Variants in DENND1A observed in about 807,000 individuals in gnomAD.
DENND1A encodes DENN domain containing 1A.
In DENND1A, 51 loss-of-function variants were observed where a neutral mutation model predicts 113.7. That is an observed-to-expected ratio of 0.45 (90% CI 0.36 to 0.57). The LOEUF (loss-of-function observed/expected upper bound fraction) is 0.57. Ranked by LOEUF, DENND1A falls within the 20% of genes least tolerant of loss-of-function variation. The pLI is 0.00. For synonymous variants in DENND1A, 565 were observed against 570.8 expected (o/e 0.99, Z 0.14); for missense variants, 1,258 against 1,395.9 (o/e 0.90, Z 1.57).
intron 13 of DENND1A, among the ~76,000 whole-genome samples, chr9:123,495,507 G>A (rs1035687400): frequency 4.6e-5 from 7 of 152,198 alleles, no homozygotes; most frequent in African/African-American, 1.7e-4. Flanking sequence ...TCTCCAGGAT[G>A]AAAGACATCT....
intron 2 of DENND1A, among the ~76,000 whole-genome samples, chr9:123,858,853 A>AAT (rs1448523608): frequency 6.6e-6 from 1 of 152,242 alleles, no homozygotes; most frequent in African/African-American, 2.4e-5. Flanking sequence ...AAAGATTAAA[A>AAT]ATACACATGT....
chr9:123,398,624 G>A (rs899549853), intron 21 of DENND1A, among the ~76,000 whole-genome samples: 1 of 151,666 alleles, frequency 6.6e-6, no homozygotes, highest in African/African-American at 2.4e-5. Flanking sequence ...TGATCCGCCC[G>A]CCTCGGCCTC....
intron 13 of DENND1A, among the ~76,000 whole-genome samples, chr9:123,525,180 T>C (rs1309856274): frequency 6.6e-6 from 1 of 152,210 alleles, no homozygotes; most frequent in Non-Finnish European, 1.5e-5. Context: ...CCAGGCAAGC[T>C]GTCCTTCTAA....
intron 19 of DENND1A, among the ~76,000 whole-genome samples, chr9:123,423,503 T>TTGCCTCAA (rs959962398): frequency 2.6e-5 from 4 of 152,036 alleles, no homozygotes; most frequent in African/African-American, 4.8e-5. Context: ...ATCTCACCAC[T>TTGCCTCAA]TGCCTCAATG....
chr9:123,669,759 C>G (rs759119668), intron 7 of DENND1A, among the ~76,000 whole-genome samples: 2 of 152,214 alleles, frequency 1.3e-5, no homozygotes, highest in African/African-American at 4.8e-5. Flanking sequence ...ATTTTTTCAT[C>G]TTTTCCAGAT....
At chr9:123,732,105 TACA>T (rs2068219356) in intron 5 of DENND1A, among the ~76,000 whole-genome samples, 1 of 152,202 alleles carries the variant, frequency 6.6e-6, no homozygotes, top group African/African-American at 2.4e-5. Flanking sequence ...TGCAAAATGA[TACA>T]ACAACCACTT....
chr9:123,679,880 G>A (rs576235886), intron 5 of DENND1A, among the ~76,000 whole-genome samples: 3 of 152,208 alleles, frequency 2.0e-5, no homozygotes, highest in Non-Finnish European at 4.4e-5. Context: ...AACGGGGTGC[G>A]ACCATCCGTG....
At chr9:123,566,635 T>C (rs935470726) in intron 12 of DENND1A, among the ~76,000 whole-genome samples, 2 of 152,112 alleles carry the variant, frequency 1.3e-5, no homozygotes, top group Middle Eastern at 3.4e-3. Context: ...ATCCTTGGAG[T>C]AAAAAAGTGC....
intron 4 of DENND1A, chr9:123,759,436 T>C (rs1255778490): frequency 6.6e-6 from 1 of 152,218 alleles, no homozygotes; most frequent in Non-Finnish European, 1.5e-5. Context: ...ATTATTACTA[T>C]TACTTTGAGA....
chr9:123,666,909 T>C lies in DENND1A; in HGVS notation c.507+117A>G, dbSNP rs922076338. 5.6e-6 allele frequency: 6 copies of C among 1,072,320 alleles called. No individual in the cohort carries two copies. The Admixed American group carries it at 2.2e-4, about 40-fold the overall frequency. 66.4% of individuals were successfully genotyped at this position (1,072,320 alleles called of 1,614,324 possible). A position where few individuals can be genotyped will look rare whatever the true frequency, so the allele number is the denominator to read the frequency against. ...ACTTTTGTTTTTATAATGTGTTTTT[T>C]AAAAACCATAATTTTTATAATGATA... On this transcript the variant is annotated intron_variant, in intron 8 of 23. Transcript: ENST00000394215.
intron 5 of DENND1A, among the ~76,000 whole-genome samples, chr9:123,687,211 C>A (rs766670166): frequency 6.7e-4 from 102 of 152,102 alleles, no homozygotes; most frequent in Non-Finnish European, 1.3e-3. Context: ...AGAGTTTTAG[C>A]CCAAAATAAA....
intron 11 of DENND1A, among the ~76,000 whole-genome samples, chr9:123,607,539 A>T (rs2060221649): frequency 4.7e-5 from 6 of 127,888 alleles, no homozygotes; most frequent in Admixed American, 2.9e-4. Flanking sequence ...AGAGAGAGAG[A>T]GAGAGAGAGT....
chr9:123,447,065 A>C (rs1425621553), intron 18 of DENND1A, among the ~76,000 whole-genome samples: 1 of 152,234 alleles, frequency 6.6e-6, no homozygotes, highest in Non-Finnish European at 1.5e-5. Flanking sequence ...ATGGTGCTGC[A>C]GTGGGATGCA....
intron 2 of DENND1A, among the ~76,000 whole-genome samples, chr9:123,813,301 C>T (rs998558675): frequency 3.3e-5 from 5 of 152,032 alleles, no homozygotes; most frequent in South Asian, 2.1e-4. Flanking sequence ...GAAATCCTTT[C>T]GTAAGACTTC....
intron 22 of DENND1A, among the ~76,000 whole-genome samples, chr9:123,387,247 A>G (rs2042613163): frequency 6.6e-6 from 1 of 152,234 alleles, no homozygotes; most frequent in Non-Finnish European, 1.5e-5. Context: ...ATAAATAATA[A>G]TGATTAAATT....
At chr9:123,884,389 A>G (rs1166007541) in intron 1 of DENND1A, among the ~76,000 whole-genome samples, 1 of 152,202 alleles carries the variant, frequency 6.6e-6, no homozygotes, top group Non-Finnish European at 1.5e-5. Flanking sequence ...GTTTTCCCAG[A>G]ACACTTCATG....
At chr9:123,648,647 A>G (rs1025171175) in intron 9 of DENND1A, among the ~76,000 whole-genome samples, 8 of 152,196 alleles carry the variant, frequency 5.3e-5, no homozygotes, top group African/African-American at 1.9e-4. Context: ...AAAGTTCACG[A>G]TTTTAATATT....
intron 1 of DENND1A, among the ~76,000 whole-genome samples, chr9:123,884,418 C>T (rs1478541548): frequency 6.6e-6 from 1 of 152,136 alleles, no homozygotes; most frequent in Non-Finnish European, 1.5e-5. Context: ...TAAGATATTA[C>T]CATGGAAATG....
chr9:123,608,343 G>A (rs2060263369), intron 11 of DENND1A, among the ~76,000 whole-genome samples: 1 of 152,146 alleles, frequency 6.6e-6, no homozygotes, highest in African/African-American at 2.4e-5. Context: ...CCTCGTCGAC[G>A]TGAAATGAAG....
Sources: gnomAD v4.1 joint callset for allele counts (sites outside exome capture counted in the v4.1 genomes callset) on GRCh38, gnomAD v4.1.1 for gene constraint, MANE v1.5 for transcripts, NCBI Gene and HGNC (gene_info 2026-07-23, HGNC 2026-07-21) for gene names.